The following TTC7A variants were observed in gnomAD, a reference collection of about 807,000 sequenced individuals.
TTC7A encodes tetratricopeptide repeat domain 7A.
In TTC7A, 110 loss-of-function variants were observed where a neutral mutation model predicts 103.7. That is an observed-to-expected ratio of 1.06 (90% confidence interval 0.91 to 1.24). The LOEUF is 1.24. TTC7A is among the 50% of genes most tolerant of loss of function. The pLI is 0.00. For synonymous variants in TTC7A, 521 were observed against 467.9 expected (o/e 1.11, Z -1.47); for missense variants, 1,340 against 1,116.3 (o/e 1.20, Z -2.86).
intron 2 of TTC7A, among the ~76,000 whole-genome samples, chr2:46,919,446 T>C (rs1283399090): frequency 1.3e-5 from 2 of 152,182 alleles, no homozygotes; most frequent in Admixed American, 6.5e-5. Flanking sequence ...AGCAGGAGAA[T>C]TGCTTGAACC....
chr2:46,974,771 G>A (rs991370640), intron 3 of TTC7A: 12 of 673,752 alleles, frequency 1.8e-5, no homozygotes, highest in African/African-American at 1.4e-4. Context: ...GATTCCCCAC[G>A]TGCTGTCCCA....
At chr2:46,995,250 G>A in intron 8 of TTC7A, 51 bp downstream of exon 8, 1 of 1,596,672 alleles carries the variant, frequency 6.3e-7, no homozygotes, top group Non-Finnish European at 8.6e-7. Context: ...ACCCTGTGGG[G>A]AAGGGCTGTG....
chr2:46,961,760 A>G (rs1341264195), intron 3 of TTC7A, among the ~76,000 whole-genome samples: 5 of 151,696 alleles, frequency 3.3e-5, no homozygotes, highest in African/African-American at 9.7e-5. Flanking sequence ...AAGAAAGAAC[A>G]AAAAATTAGC....
intron 3 of TTC7A, among the ~76,000 whole-genome samples, chr2:46,960,800 CAG>C (rs1305047264): frequency 6.6e-6 from 1 of 152,160 alleles, no homozygotes. Flanking sequence ...CCACCTGTAA[CAG>C]AGGAGCCCAC....
intron 2 of TTC7A, among the ~76,000 whole-genome samples, chr2:46,922,508 G>C (rs769113114): frequency 3.3e-5 from 5 of 151,796 alleles, no homozygotes; most frequent in Non-Finnish European, 7.4e-5. Context: ...AGTGCGGGCA[G>C]AGTGTAATTA....
At chr2:47,017,277 G>T (rs11896335) in intron 11 of TTC7A, among the ~76,000 whole-genome samples, 1 of 150,254 alleles carries the variant, frequency 6.7e-6, no homozygotes, top group South Asian at 2.1e-4. Flanking sequence ...CATTTTGGGA[G>T]GCTAAGTGGG....
rs1167898348 is a variant in TTC7A at position 47,075,608 on chromosome 2, C to T, written c.*1685C>T. On this transcript the variant is annotated 3_prime_UTR_variant, in exon 20 of 20. Coordinates refer to ENST00000319190, the MANE Select transcript of TTC7A (RefSeq NM_020458.4). The stretch of plus-strand genomic sequence containing the variant: ...ACTGGGCATGTAGCTCCCACACCAG[C>T]CTTGAGCCAGGCCCTGGACAGGAGG... 1 of 152,268 alleles carries T rather than the reference C, an allele frequency of 6.6e-6. No individual in the cohort carries two copies. Among genetic ancestry groups the T allele is most frequent in the Non-Finnish European group, 1.5e-5 (1 of 68,056 alleles). 9.4% of individuals were successfully genotyped at this position (152,268 alleles called of 1,614,324 possible).
At chr2:47,073,121 G>A (rs980267334) in intron 19 of TTC7A, among the ~76,000 whole-genome samples, 1 of 152,054 alleles carries the variant, frequency 6.6e-6, no homozygotes, top group Non-Finnish European at 1.5e-5. Flanking sequence ...CACCGCACAC[G>A]CACACGTTTG....
intron 15 of TTC7A, among the ~76,000 whole-genome samples, chr2:47,041,438 T>A (rs1681737819): frequency 6.6e-6 from 1 of 152,058 alleles, no homozygotes; most frequent in Non-Finnish European, 1.5e-5. Context: ...TGCACACTGA[T>A]TCTAGAATGT....
chr2:47,036,708 G>A (rs1009172484), intron 15 of TTC7A, among the ~76,000 whole-genome samples: 1 of 152,188 alleles, frequency 6.6e-6, no homozygotes, highest in Non-Finnish European at 1.5e-5. Context: ...AATTTTAAAA[G>A]TTAACCAGGC....
At position 46,941,929 on chromosome 2, in the gene TTC7A, G is replaced by A; in HGVS notation, c.184+204G>A. ...GTGGTTTGGGGGCTTGGAGGGAAGAGAAACGGCTTTTGCTCTGTGTCCTTT... is the reference window on the plus strand; with the variant it reads ...GTGGTTTGGGGGCTTGGAGGGAAGAAAAACGGCTTTTGCTCTGTGTCCTTT... On this transcript the variant is annotated intron_variant, in intron 1 of 19. Transcript: ENST00000319190. The surrounding 1 kb of genome is among the most constrained non-coding windows in gnomAD (Gnocchi z 4.2). The A allele has an allele frequency of 1.5e-6, 1 of 653,920 alleles. No homozygotes were observed. The highest frequency in any genetic ancestry group is 2.6e-6 in the Non-Finnish European group (1 of 381,256). 40.5% of individuals were successfully genotyped at this position (653,920 alleles called of 1,614,324 possible). A position where few individuals can be genotyped will look rare whatever the true frequency, so the allele number is the denominator to read the frequency against.
intron 3 of TTC7A, among the ~76,000 whole-genome samples, chr2:46,974,481 G>C (rs1210916299): frequency 6.6e-6 from 1 of 152,222 alleles, no homozygotes; most frequent in East Asian, 1.9e-4. Flanking sequence ...TCTAGAGGCA[G>C]TCTCCTGGTG....
chr2:47,025,280 C>T (rs1423799822), intron 14 of TTC7A, among the ~76,000 whole-genome samples: 2 of 152,196 alleles, frequency 1.3e-5, no homozygotes, highest in African/African-American at 4.8e-5. Flanking sequence ...GAGGAGCGGG[C>T]CACAGCAGTC....
chr2:46,919,759 C>A (rs1017159395), intron 2 of TTC7A, among the ~76,000 whole-genome samples: 1 of 152,190 alleles, frequency 6.6e-6, no homozygotes, highest in Non-Finnish European at 1.5e-5. Flanking sequence ...GAGGAAAAAA[C>A]AAGGGTGCGG....
At chr2:46,926,628 G>A (rs1370106138) in intron 2 of TTC7A, among the ~76,000 whole-genome samples, 1 of 152,192 alleles carries the variant, frequency 6.6e-6, no homozygotes, top group African/African-American at 2.4e-5. Context: ...CCCCCCAGGT[G>A]CCTAGAAAAA....
intron 18 of TTC7A, among the ~76,000 whole-genome samples, chr2:47,059,885 G>C (rs995548243): frequency 6.6e-6 from 1 of 152,094 alleles, no homozygotes; most frequent in African/African-American, 2.4e-5. Context: ...TGCAAGGTGC[G>C]GTGGCTCATG....
Position 47,051,844 on chromosome 2 carries a change from C to T in TTC7A, c.2116C>T (p.Leu706=). Residue 706 remains leucine, a synonymous_variant, in exon 18 of 20, where the codon CTG becomes TTG. Coordinates refer to ENST00000319190, the MANE Select transcript of TTC7A (RefSeq NM_020458.4). ...SSVLKQGPMQ[L]WTTLEQIWLQ... ...GGTCCTGAAGCAGGGCCCCATGCAG[C>T]TGTGGACCACGCTGGAACAGATCTG... 6.2e-7 allele frequency: 1 copy of T among 1,612,094 alleles called. No individual in the cohort carries two copies. The highest frequency in any genetic ancestry group is 1.1e-5 in the South Asian group (1 of 90,964).
chr2:47,029,480 C>A, intron 15 of TTC7A, 96 bp downstream of exon 15: 1 of 1,385,082 alleles, frequency 7.2e-7, no homozygotes, highest in Non-Finnish European at 1.0e-6. Context: ...TCAGCCAACA[C>A]ACATGAAGTA....
At chr2:46,932,518 CT>C (rs1052936364) in intron 2 of TTC7A, among the ~76,000 whole-genome samples, 3 of 152,062 alleles carry the variant, frequency 2.0e-5, no homozygotes, top group Non-Finnish European at 4.4e-5. Flanking sequence ...CATCTATGCA[CT>C]TTCTTTTGTG....
Sources: allele counts gnomAD v4.1 joint callset (sites outside exome capture counted in the v4.1 genomes callset), GRCh38; gene constraint gnomAD v4.1.1; non-coding constraint Gnocchi (gnomAD v3.1); transcripts MANE v1.5; gene names NCBI Gene and HGNC (gene_info 2026-07-23, HGNC 2026-07-21).